Variants in RPA3 observed in about 807,000 individuals in gnomAD.
The protein encoded by RPA3 is replication protein A3.
In RPA3, 24 loss-of-function variants were observed where a neutral mutation model predicts 13.7. That is an observed-to-expected ratio of 1.75 (90% confidence interval 1.27 to 2.46). RPA3 has a LOEUF of 2.46. Ranked by LOEUF, RPA3 falls within the 30% of genes most tolerant of loss-of-function variation. The pLI is 0.00. For missense variants in RPA3, 183 were observed against 151.0 expected, an observed-to-expected ratio of 1.21 and a Z score of -1.11; for synonymous variants, 59 against 51.2, an observed-to-expected ratio of 1.15 and a Z score of -0.65.
At position 7,682,399 on chromosome 7, in the gene RPA3, C is replaced by T. The variant is rs1779933618; in HGVS notation, c.-758+3431G>A. On this transcript the variant is annotated intron_variant, in intron 4 of 7. Coordinates refer to ENST00000223129, the MANE Select transcript of RPA3 (RefSeq NM_002947.5). ...CCTATGGAATTCCTCATTCTGGGAA[C>T]CAAACCACATATACATACTTCATTT... is the stretch of plus-strand genomic sequence containing the variant. Among the ~76,000 whole-genome samples, 3 of 152,232 alleles carry T rather than the reference C, an allele frequency of 2.0e-5. 1 individual carries two copies. The highest frequency in any genetic ancestry group is 3.4e-3 in the Middle Eastern group (1 of 294).
intron 2 of RPA3, among the ~76,000 whole-genome samples, chr7:7,689,039 C>T (rs1363684346): frequency 6.6e-6 from 1 of 152,150 alleles, no homozygotes; most frequent in African/African-American, 2.4e-5. Flanking sequence ...GGAGGGGCTT[C>T]CTTTACTTCC....
chr7:7,651,546 G>A (rs527986968), intron 4 of RPA3, among the ~76,000 whole-genome samples: 2 of 152,162 alleles, frequency 1.3e-5, no homozygotes, highest in African/African-American at 4.8e-5. Context: ...CTTTGGGTAC[G>A]TATTTTTCCA....
chr7:7,661,073 T>C (rs1785463442), intron 4 of RPA3, among the ~76,000 whole-genome samples: 1 of 152,162 alleles, frequency 6.6e-6, no homozygotes, highest in African/African-American at 2.4e-5. Context: ...TGATCTTTAA[T>C]CTCTGATATC....
chr7:7,711,784 G>T (rs1780770317), intron 2 of RPA3, among the ~76,000 whole-genome samples: 1 of 152,072 alleles, frequency 6.6e-6, no homozygotes, highest in South Asian at 2.1e-4. Context: ...TGTTAATGAA[G>T]AGACATTTTG....
At chr7:7,687,387 T>G (rs2115131859) in intron 2 of RPA3, 59 bp from the exon 3 acceptor site, 1 of 152,346 alleles carries the variant, frequency 6.6e-6, no homozygotes, top group Admixed American at 6.5e-5. Flanking sequence ...CCTGGGCAGT[T>G]CAGTGAAATG....
At chr7:7,637,176 A>C in intron 7 of RPA3, 94 bp from the exon 8 acceptor site, 1 of 917,198 alleles carries the variant, frequency 1.1e-6, no homozygotes, top group Non-Finnish European at 1.7e-6. Context: ...CCTTTTTCTC[A>C]CCCTTTTGGA....
intron 4 of RPA3, among the ~76,000 whole-genome samples, chr7:7,674,051 G>A (rs1417360757): frequency 6.6e-6 from 1 of 152,136 alleles, no homozygotes; most frequent in Non-Finnish European, 1.5e-5. Context: ...CTTCCCCTGA[G>A]GAAAAGTTTT....
intron 2 of RPA3, among the ~76,000 whole-genome samples, chr7:7,711,064 G>A (rs1780750560): frequency 6.6e-6 from 1 of 152,166 alleles, no homozygotes; most frequent in Non-Finnish European, 1.5e-5. Context: ...GCAAGTGTGT[G>A]TGGCTATAGA....
intron 2 of RPA3, among the ~76,000 whole-genome samples, chr7:7,699,872 C>T (rs775332975): frequency 2.8e-4 from 43 of 152,114 alleles, no homozygotes; most frequent in Non-Finnish European, 5.6e-4. Flanking sequence ...ATAAGTAATA[C>T]TGTTTATATA....
At chr7:7,678,299 T>C (rs1430500491) in intron 4 of RPA3, among the ~76,000 whole-genome samples, 1 of 151,476 alleles carries the variant, frequency 6.6e-6, no homozygotes, top group Non-Finnish European at 1.5e-5. Flanking sequence ...TGAGATGATA[T>C]CTCATTTTGA....
chr7:7,693,875 A>G (rs1780240364), intron 2 of RPA3, among the ~76,000 whole-genome samples: 1 of 152,126 alleles, frequency 6.6e-6, no homozygotes, highest in African/African-American at 2.4e-5. Context: ...GGGTTTTTAT[A>G]TTGTTAATAA....
chr7:7,649,177 A>AGAG (rs1451323660), intron 4 of RPA3, among the ~76,000 whole-genome samples: 1 of 145,212 alleles, frequency 6.9e-6, no homozygotes, highest in Non-Finnish European at 1.5e-5. Flanking sequence ...AAAAAAAAAA[A>AGAG]AAGAAAAGAA....
At chr7:7,660,441 T>C (rs1226095685) in intron 4 of RPA3, among the ~76,000 whole-genome samples, 2 of 152,174 alleles carry the variant, frequency 1.3e-5, no homozygotes, top group Non-Finnish European at 2.9e-5. Flanking sequence ...GGCTGGTACC[T>C]GTTGTTCCTT....
At chr7:7,667,904 T>C (rs1779509603) in intron 4 of RPA3, among the ~76,000 whole-genome samples, 1 of 152,150 alleles carries the variant, frequency 6.6e-6, no homozygotes, top group Non-Finnish European at 1.5e-5. Flanking sequence ...CTTGGACCAA[T>C]ACTTAACCTA....
intron 4 of RPA3, among the ~76,000 whole-genome samples, chr7:7,663,785 T>C (rs1306777982): frequency 6.6e-6 from 1 of 152,218 alleles, no homozygotes; most frequent in Non-Finnish European, 1.5e-5. Context: ...GAATGCATTT[T>C]ACCAGAAGCA....
At chr7:7,677,814 C>CCAATT (rs1779786018) in intron 4 of RPA3, among the ~76,000 whole-genome samples, 1 of 150,024 alleles carries the variant, frequency 6.7e-6, no homozygotes, top group Non-Finnish European at 1.5e-5. Context: ...GCTGGGACTA[C>CCAATT]AGGCGCCCGC....
At chr7:7,717,198 C>A (rs1262221021) in intron 1 of RPA3, among the ~76,000 whole-genome samples, 1 of 151,808 alleles carries the variant, frequency 6.6e-6, no homozygotes, top group Non-Finnish European at 1.5e-5. Context: ...CTGGGACTAC[C>A]GGTATGCGCC....
At chr7:7,660,950 G>C (rs1366207250) in intron 4 of RPA3, among the ~76,000 whole-genome samples, 1 of 152,136 alleles carries the variant, frequency 6.6e-6, no homozygotes, top group African/African-American at 2.4e-5. Context: ...ATCAAATGTA[G>C]ATTTGGTCTT....
chr7:7,641,582 A>G (rs917505291), intron 4 of RPA3: 1 of 152,224 alleles, frequency 6.6e-6, no homozygotes, highest in African/African-American at 2.4e-5. Flanking sequence ...GGTCTGGAAG[A>G]TAACCGATTC....
Sources: gnomAD v4.1 joint callset for allele counts (sites outside exome capture counted in the v4.1 genomes callset) on GRCh38, gnomAD v4.1.1 for gene constraint, MANE v1.5 for transcripts, NCBI Gene and HGNC (gene_info 2026-07-23, HGNC 2026-07-21) for gene names.